DLGAP2: variants seen among roughly 807,000 people sequenced by gnomAD.
DLGAP2 encodes the protein DLG associated protein 2, also known as disks large-associated protein 2.
Under a neutral mutation model 100.3 loss-of-function variants are expected in DLGAP2, and 26 were observed. The observed-to-expected ratio is 0.26, with a 90% confidence interval of 0.19 to 0.36. The LOEUF is 0.36. Among genes scored for constraint, DLGAP2 ranks in the 10% least tolerant of loss-of-function variants. The pLI is 1.00. For synonymous variants in DLGAP2, 886 were observed against 630.1 expected (o/e 1.41, Z -6.08); for missense variants, 1,858 against 1,453.2 (o/e 1.28, Z -4.53).
chr8:1,052,796 A>G (rs75070630), intron 2 of DLGAP2, among the ~76,000 whole-genome samples: 7,891 of 152,168 alleles, frequency 0.052, 338 homozygotes, highest in East Asian at 0.15. Context: ...AGAGGCTGGG[A>G]GCATTTCTGA....
intron 3 of DLGAP2, among the ~76,000 whole-genome samples, chr8:1,294,397 G>T (rs1585230294): frequency 6.6e-6 from 1 of 152,276 alleles, no homozygotes; most frequent in Non-Finnish European, 1.5e-5. Flanking sequence ...GGTTGTTTTG[G>T]TGTCTCCTGT....
At chr8:1,262,991 C>T (rs966503654) in intron 3 of DLGAP2, among the ~76,000 whole-genome samples, 2 of 152,084 alleles carry the variant, frequency 1.3e-5, no homozygotes, top group African/African-American at 2.4e-5. Flanking sequence ...CTGGTGGGGC[C>T]GGGAGAATGT....
At chr8:1,683,856 A>ATATATATATATGTGTGTG (rs1467438870) in intron 12 of DLGAP2, among the ~76,000 whole-genome samples, 1 of 62,242 alleles carries the variant, frequency 1.6e-5, no homozygotes, top group African/African-American at 8.4e-5. Context: ...ATATATATAT[A>ATATATATATATGTGTGTG]TGTGTGTGTG....
intron 2 of DLGAP2, among the ~76,000 whole-genome samples, chr8:996,870 A>G (rs971914610): frequency 3.9e-5 from 6 of 152,322 alleles, no homozygotes; most frequent in Admixed American, 3.9e-4. Context: ...AAGAACTTAC[A>G]CATAGATTTT....
chr8:1,376,436 G>T (rs1802389837), intron 3 of DLGAP2, among the ~76,000 whole-genome samples: 1 of 152,246 alleles, frequency 6.6e-6, no homozygotes, highest in Non-Finnish European at 1.5e-5. Flanking sequence ...CCCACCTGCT[G>T]GTGGCAGTGA....
At chr8:1,220,582 G>C (rs1452433618) in intron 2 of DLGAP2, among the ~76,000 whole-genome samples, 1 of 152,010 alleles carries the variant, frequency 6.6e-6, no homozygotes, top group South Asian at 2.1e-4. Context: ...TTCTGTTGTT[G>C]TTGGGGAGAG....
chr8:892,337 C>T (rs961410451), intron 1 of DLGAP2, among the ~76,000 whole-genome samples: 2 of 152,120 alleles, frequency 1.3e-5, no homozygotes, highest in South Asian at 4.1e-4. Context: ...TGAAGAGCGG[C>T]CCATCCACAC....
At chr8:1,013,471 C>G (rs6990403) in intron 2 of DLGAP2, among the ~76,000 whole-genome samples, 1 of 151,616 alleles carries the variant, frequency 6.6e-6, no homozygotes, top group Non-Finnish European at 1.5e-5. Context: ...GGCAGATGAG[C>G]CAGCCTTTCC....
intron 1 of DLGAP2, among the ~76,000 whole-genome samples, chr8:842,550 C>T (rs749910001): frequency 3.0e-4 from 45 of 152,148 alleles, no homozygotes; most frequent in Non-Finnish European, 3.1e-4. Flanking sequence ...GATTTAATTT[C>T]TCTGGTACAT....
At chr8:852,639 G>A (rs1797203166) in intron 1 of DLGAP2, among the ~76,000 whole-genome samples, 1 of 152,176 alleles carries the variant, frequency 6.6e-6, no homozygotes, top group Admixed American at 6.5e-5. Context: ...TATGTTCCCA[G>A]TAGACGGGAT....
intron 8 of DLGAP2, among the ~76,000 whole-genome samples, chr8:1,637,655 A>G (rs1488469585): frequency 6.6e-6 from 1 of 152,236 alleles, no homozygotes; most frequent in Non-Finnish European, 1.5e-5. Flanking sequence ...TCTAAAGAAA[A>G]GATCAAATTA....
chr8:1,622,523 G>A (rs1456439497), intron 6 of DLGAP2: 5 of 152,192 alleles, frequency 3.3e-5, no homozygotes, highest in Non-Finnish European at 5.9e-5. Flanking sequence ...GATTCAGCAA[G>A]CAGCTCTGGA....
intron 4 of DLGAP2, among the ~76,000 whole-genome samples, chr8:1,521,283 G>A (rs1253426359): frequency 3.6e-5 from 3 of 84,102 alleles, no homozygotes; most frequent in Non-Finnish European, 2.6e-5. Flanking sequence ...GGTGATATGG[G>A]GCATCTCTGG....
intron 1 of DLGAP2, among the ~76,000 whole-genome samples, chr8:777,317 G>C (rs1280047445): frequency 6.6e-6 from 1 of 151,714 alleles, no homozygotes; most frequent in Non-Finnish European, 1.5e-5. Context: ...TTGCCAGTCT[G>C]TGTCTTTTAA....
chr8:1,447,374 A>T (rs1798010561), intron 3 of DLGAP2, among the ~76,000 whole-genome samples: 2 of 152,148 alleles, frequency 1.3e-5, no homozygotes, highest in South Asian at 4.1e-4. Context: ...TTCTGTTTAT[A>T]TGCTGGATTA....
intron 2 of DLGAP2, among the ~76,000 whole-genome samples, chr8:1,000,333 C>T (rs144181195): frequency 0.013 from 1,829 of 145,326 alleles, 32 homozygotes; most frequent in African/African-American, 0.044. Context: ...CGGACAGATC[C>T]GGGTGGAGGT....
intron 3 of DLGAP2, among the ~76,000 whole-genome samples, chr8:1,351,905 A>AGTGT (rs1801737700): frequency 1.2e-4 from 8 of 65,660 alleles, no homozygotes; most frequent in Admixed American, 1.9e-4. Flanking sequence ...GCGGGTCCTG[A>AGTGT]CTGTGGAAAG....
At position 1,201,848 on chromosome 8, in the gene DLGAP2, T is replaced by TAC. The variant is rs1454885830; in HGVS notation, c.74-57002_74-57001insCA. 2.6e-5 allele frequency among the ~76,000 whole-genome samples: 4 copies of TAC among 152,278 alleles called. 1 individual carries two copies. Among genetic ancestry groups the TAC allele is most frequent in the African/African-American group, 4.8e-5 (2 of 41,542 alleles). The stretch of plus-strand genomic sequence containing the variant: ...AGGTGCTTGTGTGTACACATGTGTG[T>TAC]ATGTGTACGGTATCTATCTGTGGTG... On this transcript the variant is annotated intron_variant, in intron 2 of 14. Transcript: ENST00000637795.
chr8:1,348,485 C>T (rs149927396), intron 3 of DLGAP2, among the ~76,000 whole-genome samples: 44 of 31,508 alleles, frequency 1.4e-3, no homozygotes, highest in Middle Eastern at 0.02. Context: ...AGGTTGAGTT[C>T]CCATACAGAG....
Sources: gnomAD v4.1 joint callset for allele counts (sites outside exome capture counted in the v4.1 genomes callset) on GRCh38, gnomAD v4.1.1 for gene constraint, MANE v1.5 for transcripts, NCBI Gene and HGNC (gene_info 2026-07-23, HGNC 2026-07-21) for gene names.